Variants in ARVCF observed in about 807,000 individuals in gnomAD.
ARVCF encodes the protein ARVCF delta catenin family member.
A neutral mutation model predicts 90.9 loss-of-function variants in ARVCF; 66 were observed. That is an observed-to-expected ratio of 0.73 (90% CI 0.60 to 0.89). The LOEUF is 0.89. Among genes scored for constraint, ARVCF ranks in the 40% least tolerant of loss-of-function variants. ARVCF has a pLI of 0.00. For missense variants in ARVCF, 1,469 were observed against 1,382.3 expected, an observed-to-expected ratio of 1.06 and a Z score of -1.00; for synonymous variants, 653 against 603.4, an observed-to-expected ratio of 1.08 and a Z score of -1.21.
At position 19,977,572 on chromosome 22, in the gene ARVCF, G is replaced by A. The variant is rs200805934; in HGVS notation, c.1713C>T (p.Cys571=). ...KDTDNKSVEN[C]VCIMRNLSYH... ...AGGACAGGTTCCGCATGATGCACAC[G>A]CAGTTCTCCACCGACTGCAGGGAGA... Residue 571 remains cysteine, a synonymous_variant, in exon 9 of 20, where the codon TGC becomes TGT. Coordinates refer to ENST00000263207, the MANE Select transcript of ARVCF (RefSeq NM_001670.3). The A allele has an allele frequency of 5.2e-6, 8 of 1,544,710 alleles. No homozygotes were observed. The highest frequency in any genetic ancestry group is 4.6e-5 in the East Asian group (2 of 43,048).
chr22:20,014,884 C>T (rs978883861), intron 1 of ARVCF, among the ~76,000 whole-genome samples: 5 of 152,160 alleles, frequency 3.3e-5, no homozygotes, highest in African/African-American at 1.2e-4. Context: ...GGGAACTCAC[C>T]CTGAATCCCT....
chr22:20,002,089 C>G (rs2073743), intron 2 of ARVCF, among the ~76,000 whole-genome samples: 35,545 of 152,166 alleles, frequency 0.23, 4,685 homozygotes, highest in South Asian at 0.33. Flanking sequence ...GGCCAGAAAC[C>G]ACCTCAACAG....
rs762842791 is a variant in ARVCF, at chr22:19,973,683, C to T, written c.2199G>A (p.Leu733=). ...DKVVRAVAIA[L]RNLSLDRRNK... is the part of the protein sequence containing the mutation. ...TGCGCCGGTCCAGCGAGAGGTTGCG[C>T]AGAGCGATGGCGACGGCGCGCACCA... Residue 733 remains leucine, a synonymous_variant, in exon 13 of 20, where the codon CTG becomes CTA. Coordinates refer to ENST00000263207, the MANE Select transcript of ARVCF (RefSeq NM_001670.3). The T allele has an allele frequency of 3.1e-6, 5 of 1,610,674 alleles. No homozygotes were observed. The highest frequency in any genetic ancestry group is 4.2e-6 in the Non-Finnish European group (5 of 1,179,808).
At chr22:20,014,724 T>C (rs992897640) in intron 1 of ARVCF, among the ~76,000 whole-genome samples, 9 of 152,176 alleles carry the variant, frequency 5.9e-5, no homozygotes, top group Non-Finnish European at 1.0e-4. Flanking sequence ...GCACGACAGA[T>C]GGGCTGGACA....
At chr22:19,974,366 G>A in intron 11 of ARVCF, 127 bp from the exon 12 acceptor site, 1 of 1,176,302 alleles carries the variant, frequency 8.5e-7, no homozygotes, top group Non-Finnish European at 1.1e-6. Flanking sequence ...GTGTGGATGA[G>A]TCACGTAATA....
intron 2 of ARVCF, among the ~76,000 whole-genome samples, chr22:19,994,853 A>G (rs1024204774): frequency 4.9e-5 from 7 of 144,202 alleles, no homozygotes; most frequent in Middle Eastern, 3.4e-3. Context: ...CGATGGACAG[A>G]GAGAAAAACA....
chr22:19,984,290 C>A (rs1176921021), intron 3 of ARVCF, among the ~76,000 whole-genome samples: 1 of 152,138 alleles, frequency 6.6e-6, no homozygotes, highest in East Asian at 1.9e-4. Flanking sequence ...CTCTGTGGCC[C>A]AGCTTATCCC....
chr22:19,974,007 T>C, intron 12 of ARVCF, 105 bp downstream of exon 12: 1 of 1,518,802 alleles, frequency 6.6e-7, no homozygotes, highest in African/African-American at 1.4e-5. Flanking sequence ...GGGGTGGTGG[T>C]GTGGCCCCTC....
intron 2 of ARVCF, among the ~76,000 whole-genome samples, chr22:20,005,372 T>TAA (rs34774877): frequency 4.4e-4 from 60 of 136,972 alleles, no homozygotes; most frequent in South Asian, 6.8e-4. Context: ...ATGGCTAGTC[T>TAA]AAAAAAAAAA....
chr22:19,968,625 G>A (rs1353033263), downstream of ARVCF: 2 of 1,613,970 alleles, frequency 1.2e-6, no homozygotes, highest in Admixed American at 1.7e-5. Context: ...ACGTGCGCGG[G>A]AGCAGCTGCT....
chr22:19,992,825 G>A (rs1375755532), intron 2 of ARVCF, among the ~76,000 whole-genome samples: 4 of 152,126 alleles, frequency 2.6e-5, no homozygotes, highest in African/African-American at 4.8e-5. Flanking sequence ...CAGACCCTGC[G>A]GACAGCTTCC....
intron 1 of ARVCF, among the ~76,000 whole-genome samples, chr22:20,012,949 T>C (rs987801148): frequency 6.6e-6 from 1 of 152,214 alleles, no homozygotes; most frequent in Non-Finnish European, 1.5e-5. Context: ...GGGTAGGCAA[T>C]GAGGGGCCCA....
At chr22:19,987,049 C>T (rs954671621) in intron 3 of ARVCF, 2 of 653,708 alleles carry the variant, frequency 3.1e-6, no homozygotes, top group Non-Finnish European at 5.6e-6. Context: ...GGCCAGGGTC[C>T]CCCCAAGCCA....
chr22:19,987,001 C>T, intron 3 of ARVCF: 1 of 640,116 alleles, frequency 1.6e-6, no homozygotes, highest in Non-Finnish European at 2.8e-6. Context: ...CGGGTCCTCC[C>T]GGGCAGGCCG....
chr22:19,968,397 G>A (rs1942540635), downstream of ARVCF: 2 of 809,018 alleles, frequency 2.5e-6, no homozygotes, highest in Non-Finnish European at 4.2e-6. Context: ...GTCACGCTGG[G>A]CAGAAAGTGG....
At chr22:20,003,686 A>G (rs1944521804) in intron 2 of ARVCF, among the ~76,000 whole-genome samples, 1 of 152,212 alleles carries the variant, frequency 6.6e-6, no homozygotes, top group Non-Finnish European at 1.5e-5. Context: ...CTGTCATGAT[A>G]AAAACACTCA....
At chr22:19,997,949 G>A (rs944881966) in intron 2 of ARVCF, among the ~76,000 whole-genome samples, 5 of 152,232 alleles carry the variant, frequency 3.3e-5, no homozygotes, top group African/African-American at 9.6e-5. Flanking sequence ...AGGCGGAGGC[G>A]GGGTGTAAAA....
chr22:19,983,789 T>G (rs1482666447), intron 3 of ARVCF: 1 of 152,238 alleles, frequency 6.6e-6, no homozygotes, highest in Non-Finnish European at 1.5e-5. Flanking sequence ...ATGCCTGCTG[T>G]GGACCTGGCT....
At chr22:19,997,416 G>T (rs940929956) in intron 2 of ARVCF, among the ~76,000 whole-genome samples, 5 of 152,192 alleles carry the variant, frequency 3.3e-5, no homozygotes, top group Non-Finnish European at 7.3e-5. Flanking sequence ...CCTGCTCCCT[G>T]TGCCAACAGC....
Sources: allele counts gnomAD v4.1 joint callset (sites outside exome capture counted in the v4.1 genomes callset), GRCh38; gene constraint gnomAD v4.1.1; transcripts MANE v1.5; gene names NCBI Gene and HGNC (gene_info 2026-07-23, HGNC 2026-07-21).